The following RASGRF1 variants were observed in gnomAD, a reference collection of about 807,000 sequenced individuals.
RASGRF1 encodes Ras protein specific guanine nucleotide releasing factor 1, also known as ras-specific guanine nucleotide-releasing factor 1.
In RASGRF1, 40 loss-of-function variants were observed where a neutral mutation model predicts 138.7. The observed-to-expected ratio is 0.29, with a 90% CI of 0.22 to 0.38. RASGRF1 has a LOEUF of 0.38. Among genes scored for constraint, RASGRF1 ranks in the 10% least tolerant of loss-of-function variants. The pLI is 1.00. For synonymous variants in RASGRF1, 614 were observed against 663.2 expected, an observed-to-expected ratio of 0.93 and a Z score of 1.14; for missense variants, 1,108 against 1,650.4, an observed-to-expected ratio of 0.67 and a Z score of 5.69.
Position 79,051,012 on chromosome 15 carries a change from T to G in RASGRF1, c.532-1424A>C, listed in dbSNP as rs577726711. Among the ~76,000 whole-genome samples the G allele has an allele frequency of 2.5e-3, 385 of 152,246 alleles. 3 individuals carry two copies. Among genetic ancestry groups the G allele is most frequent in the African/African-American group, 8.0e-3 (333 of 41,528 alleles). ...CTTGTTGTCTACACAAATAAGTGAA[T>G]TAAAAAAAATCAGAGCAACAGCAGC... On this transcript the variant is annotated intron_variant, in intron 3 of 26. Transcript: ENST00000558480.
intron 24 of RASGRF1, chr15:78,978,848 A>G: frequency 8.4e-7 from 1 of 1,185,530 alleles, no homozygotes; most frequent in Non-Finnish European, 1.1e-6. Flanking sequence ...GGTTTGCATA[A>G]AGCTCTTAGC....
chr15:79,079,736 C>T (rs1335966362), intron 1 of RASGRF1, among the ~76,000 whole-genome samples: 1 of 152,196 alleles, frequency 6.6e-6, no homozygotes, highest in Non-Finnish European at 1.5e-5. Context: ...GGAGCATTGT[C>T]ACTGTATACT....
chr15:78,995,285 T>C (rs543627829), intron 20 of RASGRF1, among the ~76,000 whole-genome samples: 31 of 68,600 alleles, frequency 4.5e-4, no homozygotes, highest in Admixed American at 3.0e-3. Context: ...ATTTCTTTTT[T>C]CTTTCTTTTT....
chr15:78,986,293 C>T lies in RASGRF1; in HGVS notation c.3217-1089G>A, dbSNP rs578254964. 1.4e-4 allele frequency among the ~76,000 whole-genome samples: 21 copies of T among 150,856 alleles called. 1 individual carries two copies. The highest frequency in any genetic ancestry group is 5.1e-4 in the African/African-American group (21 of 41,200). On this transcript the variant is annotated intron_variant, in intron 22 of 26. Transcript: ENST00000558480. The stretch of plus-strand genomic sequence containing the variant: ...ATCAGGGAATTAGAATTGCAAGGAG[C>T]TGAAACAGCAGGAAGCAGTGGGCTT...
chr15:79,086,629 GC>G (rs2141112878), intron 1 of RASGRF1, among the ~76,000 whole-genome samples: 2 of 152,102 alleles, frequency 1.3e-5, no homozygotes, highest in South Asian at 4.2e-4. Context: ...TGAGGTTCTG[GC>G]TGCCAGGATT....
rs543120701 is a variant in RASGRF1 at position 79,089,584 on chromosome 15, C to A, written c.276+639G>T. On this transcript the variant is annotated intron_variant, in intron 1 of 26. Transcript: ENST00000558480. ...TGGCCCTAGCCCCGGCGCATCAGAG[C>A]GGTCCTTGGGAATCTTTGGGCTTGT... Among the ~76,000 whole-genome samples, 8 of 152,350 alleles carry A rather than the reference C, an allele frequency of 5.3e-5. No homozygotes were observed. The South Asian group carries it at 1.4e-3, about 28-fold the overall frequency.
chr15:78,985,052 A>G lies in RASGRF1; in HGVS notation c.3369T>C (p.Ser1123=). 1 of 1,614,134 alleles carries G rather than the reference A, an allele frequency of 6.2e-7. No homozygotes were observed. Among genetic ancestry groups the G allele is most frequent in the Non-Finnish European group, 8.5e-7 (1 of 1,180,034 alleles). ...VLEITSSMNR[S]AIFRLKKTWL... ...ACGTCTTTTTGAGCCGGAAGATTGCACTGCGGTTCATGGACGAGGTGATCT... is the reference window on the plus strand; with the variant it reads ...ACGTCTTTTTGAGCCGGAAGATTGCGCTGCGGTTCATGGACGAGGTGATCT... The change falls in exon 23 of 27, where the codon AGT becomes AGC. Residue 1123 remains serine (S), a synonymous_variant. Coordinates refer to ENST00000558480, the MANE Select transcript of RASGRF1 (RefSeq NM_001145648.3).
chr15:78,976,417 A>G (rs961517217), intron 24 of RASGRF1, among the ~76,000 whole-genome samples: 5 of 152,204 alleles, frequency 3.3e-5, no homozygotes, highest in Admixed American at 2.0e-4. Flanking sequence ...AAAATCTCTT[A>G]ATGTTTTAAG....
intron 1 of RASGRF1, among the ~76,000 whole-genome samples, chr15:79,066,968 C>T (rs729650): frequency 0.11 from 17,336 of 152,148 alleles, 1,036 homozygotes; most frequent in Non-Finnish European, 0.13. Context: ...TGTGTGGCCT[C>T]GCTCTGACCC....
chr15:79,074,763 C>A (rs1339731689), intron 1 of RASGRF1, among the ~76,000 whole-genome samples: 1 of 152,172 alleles, frequency 6.6e-6, no homozygotes, highest in Non-Finnish European at 1.5e-5. Context: ...TGGGCCGCAC[C>A]CGATTTTGCT....
In RASGRF1 at chr15:79,090,233, A is replaced by C; in HGVS notation, c.266T>G (p.Leu89Arg). Residue 89 changes from leucine to arginine, a missense_variant, in exon 1 of 27, where the codon CTG (leucine) becomes CGG (arginine). Leu to Arg is a moderately radical substitution (Grantham distance 102). Coordinates refer to ENST00000558480, the MANE Select transcript of RASGRF1 (RefSeq NM_001145648.3). ...PKPALSAKEP[L>R]EKQHYFTVNF... Reference sequence around the variant, plus strand: ...CGACGCTCGCCTCACCTGTTTCTCCAGCGGCTCCTTGGCCGACAGCGCCGG... The same window carrying C: ...CGACGCTCGCCTCACCTGTTTCTCCCGCGGCTCCTTGGCCGACAGCGCCGG... 6.2e-7 allele frequency: 1 copy of C among 1,605,236 alleles called. No individual in the cohort carries two copies. The highest frequency in any genetic ancestry group is 8.5e-7 in the Non-Finnish European group (1 of 1,177,622).
intron 22 of RASGRF1, chr15:78,985,680 C>T (rs2056137837): frequency 6.4e-6 from 1 of 155,226 alleles, no homozygotes; most frequent in Non-Finnish European, 1.4e-5. Flanking sequence ...CTTTGGGAGG[C>T]CGAGGCAGGC....
rs751345430 is a variant in RASGRF1, at chr15:79,027,889, G to T, written c.1263-30C>A. The T allele has an allele frequency of 1.9e-6, 3 of 1,608,764 alleles. No homozygotes were observed. In the South Asian group the frequency reaches 3.3e-5, roughly 18 times the overall value. Reference sequence around the variant, plus strand: ...GGGGATGGGAAACTGCACAGTCAGAGACAGGCTGCCCCTACTTCCCAGGGA... The same window carrying T: ...GGGGATGGGAAACTGCACAGTCAGATACAGGCTGCCCCTACTTCCCAGGGA... On this transcript the variant is annotated intron_variant, in intron 8 of 26. Transcript: ENST00000558480. The surrounding 1 kb of genome is among the most constrained non-coding windows in gnomAD (Gnocchi z 4.8).
rs1231720723 is a variant in RASGRF1 at position 79,006,365 on chromosome 15, C to T, written c.1896G>A (p.Val632=). ...RFSKTMNSCK[V]LQIRYASVER... is the part of the protein sequence containing the mutation. ...CCACACTGGCGTAGCGGATCTGCAG[C>T]ACTTTGCAGGAGTTCATGGTTTTGC... The change falls in exon 14 of 27, where the codon GTG becomes GTA. Residue 632 remains valine (V), a synonymous_variant. Transcript: ENST00000558480. The surrounding 1 kb of genome is among the most constrained non-coding windows in gnomAD (Gnocchi z 4.0). 3 of 1,614,190 alleles carry T rather than the reference C, an allele frequency of 1.9e-6. No individual in the cohort carries two copies. In the East Asian group the frequency reaches 6.7e-5, roughly 36 times the overall value.
In RASGRF1 at chr15:79,060,418, G is replaced by A. The variant is rs372079129; in HGVS notation, c.384-1937C>T. Among the ~76,000 whole-genome samples the A allele has an allele frequency of 2.6e-5, 4 of 152,326 alleles. No individual in the cohort carries two copies. The South Asian group carries it at 8.3e-4, about 32-fold the overall frequency. ...GGATGATGCATATGGAGAGGTTTTT[G>A]TTCACAGGTAGGTGGTATTGATCAC... is the stretch of plus-strand genomic sequence containing the variant. On this transcript the variant is annotated intron_variant, in intron 2 of 26. Transcript: ENST00000558480.
At chr15:79,036,729 G>A (rs528228988) in intron 5 of RASGRF1, among the ~76,000 whole-genome samples, 1 of 152,188 alleles carries the variant, frequency 6.6e-6, no homozygotes, top group East Asian at 1.9e-4. Context: ...AACAGGTAGG[G>A]TGGGGAGACA....
chr15:79,001,667 G>T lies in RASGRF1; in HGVS notation c.2570C>A (p.Ser857Tyr), dbSNP rs200187528. 5.4e-5 allele frequency: 87 copies of T among 1,613,214 alleles called. No individual in the cohort carries two copies. The highest frequency in any genetic ancestry group is 4.5e-5 in the Non-Finnish European group (53 of 1,179,434). The change falls in exon 16 of 27, where the codon TCT (serine) becomes TAT (tyrosine). Residue 857 changes from serine (S) to tyrosine (Y), a missense_variant. Physicochemically the swap from Ser to Tyr is moderately radical, Grantham distance 144 (BLOSUM62 -2). Around this residue, in one of 3 missense-constraint regions of RASGRF1, gnomAD observed 686 missense variants for 976.7 expected, o/e 0.70. Transcript: ENST00000558480. ...TTTGAATTGGTGCATTGTACCTGAA[G>T]AATTTTTGTTTTTGACTGATTTGGG... is the stretch of plus-strand genomic sequence containing the variant. ...TTPKSVKNKN[S>Y]SEFPLFSYNN... is the part of the protein sequence containing the mutation.
chr15:79,001,467 T>C (rs1185605792), intron 16 of RASGRF1, among the ~76,000 whole-genome samples, 195 bp downstream of exon 16: 1 of 141,786 alleles, frequency 7.1e-6, no homozygotes, highest in African/African-American at 2.5e-5. Flanking sequence ...AATGTTCCAG[T>C]GCCCACAGCC....
chr15:79,014,167 C>T (rs556776528), intron 13 of RASGRF1, among the ~76,000 whole-genome samples: 5 of 152,282 alleles, frequency 3.3e-5, no homozygotes, highest in African/African-American at 1.2e-4. Flanking sequence ...CTAGCACAAC[C>T]ACTATGGAAA....
Sources: allele counts gnomAD v4.1 joint callset (sites outside exome capture counted in the v4.1 genomes callset), GRCh38; gene constraint gnomAD v4.1.1; regional missense constraint gnomAD v4.1.1; non-coding constraint Gnocchi (gnomAD v3.1); transcripts MANE v1.5; gene names NCBI Gene and HGNC (gene_info 2026-07-23, HGNC 2026-07-21).